Variants in DEAF1 observed in about 807,000 individuals in gnomAD.
The protein encoded by DEAF1 is DEAF1 transcription factor.
DEAF1 carries 53 observed loss-of-function variants against 58.9 expected under a neutral mutation model. That is an observed-to-expected ratio of 0.90 (90% CI 0.72 to 1.13). The LOEUF is 1.13. Among genes scored for constraint, DEAF1 ranks in the 50% most tolerant of loss-of-function variants. The probability of loss-of-function intolerance (pLI) is 0.00; values close to 1 mark genes in which losing one functional copy is unlikely to be tolerated. For synonymous variants in DEAF1, 385 were observed against 340.4 expected (o/e 1.13, Z -1.44); for missense variants, 685 against 791.4 (o/e 0.87, Z 1.61).
Position 694,828 on chromosome 11 carries a change from C to T in DEAF1, c.220G>A (p.Gly74Arg). The T allele has an allele frequency of 2.1e-6, 3 of 1,455,828 alleles. No individual in the cohort carries two copies. In the South Asian group the frequency reaches 4.1e-5, roughly 20 times the overall value. 90.2% of individuals were successfully genotyped at this position (1,455,828 alleles called of 1,614,324 possible). ...GCCTCGGCGCCCATGTCCATGTGCC[C>T]GGGCTCCGCCGCCATCACCGCCACT... ...TAVAVMAAEP[G>R]HMDMGAEALP... Residue 74 changes from glycine to arginine, a missense_variant, in exon 1 of 12, where the codon GGG becomes AGG. Around this residue, in one of 3 missense-constraint regions of DEAF1, gnomAD observed 210 missense variants for 177.3 expected, o/e 1.18. Coordinates refer to ENST00000382409, the MANE Select transcript of DEAF1 (RefSeq NM_021008.4).
intron 10 of DEAF1, among the ~76,000 whole-genome samples, chr11:668,084 C>T (rs186103946): frequency 9.6e-4 from 146 of 152,244 alleles, no homozygotes; most frequent in Middle Eastern, 6.8e-3. Flanking sequence ...TGCACTCCAG[C>T]CTGGAAAACA....
chr11:705,651 C>A (rs1861679751), intron 1 of DEAF1, among the ~76,000 whole-genome samples: 1 of 152,176 alleles, frequency 6.6e-6, no homozygotes, highest in Admixed American at 6.5e-5. Context: ...CTGACACCCA[C>A]CCACTCACCG....
rs1355711300 is a variant in DEAF1 at position 653,945 on chromosome 11, G to C, written c.1593+17C>G. On this transcript the variant is annotated intron_variant, in intron 11 of 11. Transcript: ENST00000382409. ...GGAGGAGGCGGGGGCACTGAGCCTG[G>C]TGTAGGTGAGACCTACCTTGCGTTG... The C allele has an allele frequency of 8.7e-6, 14 of 1,610,596 alleles. No individual in the cohort carries two copies. The highest frequency in any genetic ancestry group is 1.2e-5 in the Non-Finnish European group (14 of 1,177,092).
rs1284386118 is a variant in DEAF1 at position 650,115 on chromosome 11, C to T, written c.1593+3847G>A. ...CAGAGACTAGTGTGGTGGTTCACAC[C>T]TGTAATCCCACCACTTTGGGAGGCT... On this transcript the variant is annotated intron_variant, in intron 11 of 11. Coordinates refer to ENST00000382409, the MANE Select transcript of DEAF1 (RefSeq NM_021008.4). 5.3e-5 allele frequency among the ~76,000 whole-genome samples: 8 copies of T among 151,980 alleles called. No individual in the cohort carries two copies. The East Asian group carries it at 1.6e-3, about 29-fold the overall frequency.
At chr11:691,435 C>G (rs146959211) in intron 2 of DEAF1, 66 bp downstream of exon 2, 2 of 1,483,016 alleles carry the variant, frequency 1.3e-6, no homozygotes, top group African/African-American at 2.8e-5. Context: ...GGGAGAGCCT[C>G]GGGGAAGCCG....
upstream of DEAF1, chr11:695,816 G>T: frequency 3.2e-6 from 4 of 1,232,290 alleles, no homozygotes; most frequent in Non-Finnish European, 4.1e-6. Flanking sequence ...ACCGGCGGGC[G>T]GGGCGGGTAA....
Position 703,243 on chromosome 11 carries a change from C to T in DEAF1, c.-438+3329G>A. The T allele has an allele frequency of 2.0e-6, 3 of 1,464,342 alleles. No individual in the cohort carries two copies. In the South Asian group the frequency reaches 4.3e-5, roughly 21 times the overall value. The allele number at this position is 1,464,342 out of a possible 1,614,324, so 90.7% of individuals were successfully genotyped here. On this transcript the variant is annotated intron_variant, in intron 1 of 11. Transcript: ENST00000683307. ...CCTCCCCATTCCTGGACAGGAAGGG[C>T]ACTTTTCCTAGTGACTGGCCATAGA...
chr11:678,797 T>C lies in DEAF1; in HGVS notation c.1152A>G (p.Pro384=). 1.2e-6 allele frequency: 2 copies of C among 1,614,080 alleles called. No individual in the cohort carries two copies. The highest frequency in any genetic ancestry group is 1.7e-6 in the Non-Finnish European group (2 of 1,179,984). The change falls in exon 9 of 12, where the codon CCA becomes CCG. Residue 384 remains proline (P), a synonymous_variant. Coordinates refer to ENST00000382409, the MANE Select transcript of DEAF1 (RefSeq NM_021008.4). ...GAGGCTCAGGGTGGCTGGCCCTGCA[T>C]GGGGGCTGCACGCTGGCCTCTTGGA... is the stretch of plus-strand genomic sequence containing the variant. ...ATVQEASVQP[P]CRASHPEPHY...
At chr11:682,063 A>G (rs1860400005) in intron 6 of DEAF1, among the ~76,000 whole-genome samples, 1 of 152,206 alleles carries the variant, frequency 6.6e-6, no homozygotes. Context: ...ACGGAGCTGG[A>G]CTATCTTACT....
At chr11:695,862 G>C (rs1442508482), upstream of DEAF1, 1 of 1,228,364 alleles carries the variant, frequency 8.1e-7, no homozygotes, top group East Asian at 3.2e-5. Flanking sequence ...CTCGGGCGGG[G>C]TGGGGGCTTC....
rs1399914819 is a variant in DEAF1, at chr11:654,067, A to G, written c.1504-16T>C. 1 of 1,611,502 alleles carries G rather than the reference A, an allele frequency of 6.2e-7. No individual in the cohort carries two copies. Among genetic ancestry groups the G allele is most frequent in the East Asian group, 2.2e-5 (1 of 44,854 alleles). ...CGCAGGACTGCTGCAAGAAGGACACAACAGGCCAGTCAGTGACGTGGCCGT... is the reference window on the plus strand; with the variant it reads ...CGCAGGACTGCTGCAAGAAGGACACGACAGGCCAGTCAGTGACGTGGCCGT... On this transcript the variant is annotated splice_polypyrimidine_tract_variant and intron_variant, in intron 10 of 11. Transcript: ENST00000382409.
At chr11:691,793 G>C (rs1860846530) in intron 1 of DEAF1, among the ~76,000 whole-genome samples, 195 bp from the exon 2 acceptor site, 1 of 152,020 alleles carries the variant, frequency 6.6e-6, no homozygotes, top group African/African-American at 2.4e-5. Context: ...GCTCTTCCAG[G>C]AAAAAGAGAG....
chr11:702,932 C>T (rs1362058464), intron 1 of DEAF1: 2 of 1,597,956 alleles, frequency 1.3e-6, no homozygotes, highest in Non-Finnish European at 1.7e-6. Context: ...CTCCCCTTTG[C>T]TCTGTTCTCC....
At chr11:674,008 C>G in intron 10 of DEAF1, 1 of 202,942 alleles carries the variant, frequency 4.9e-6, no homozygotes, top group South Asian at 8.6e-5. Context: ...TAATAGGAAG[C>G]TACAGAAAAC....
chr11:697,088 G>A (rs560896211), upstream of DEAF1, among the ~76,000 whole-genome samples: 31 of 125,630 alleles, frequency 2.5e-4, no homozygotes, highest in Non-Finnish European at 4.7e-4. Flanking sequence ...CAACAAGAGC[G>A]AAATTCTGTC....
chr11:673,812 A>G (rs1859935967), intron 10 of DEAF1, among the ~76,000 whole-genome samples: 3 of 152,126 alleles, frequency 2.0e-5, no homozygotes, highest in Admixed American at 2.0e-4. Context: ...GAAGTAGCTG[A>G]GAAACCTCCA....
chr11:665,321 G>C (rs112216611), intron 10 of DEAF1, among the ~76,000 whole-genome samples: 1,920 of 152,244 alleles, frequency 0.013, 15 homozygotes, highest in South Asian at 0.017. Flanking sequence ...GAGGAGGACA[G>C]GGTGTCACAC....
At chr11:678,291 A>G (rs1786520909) in intron 9 of DEAF1, 7 of 277,112 alleles carry the variant, frequency 2.5e-5, no homozygotes, top group Admixed American at 4.9e-5. Context: ...TTTAGGCCAC[A>G]TTTAGGCCTT....
intron 2 of DEAF1, among the ~76,000 whole-genome samples, chr11:689,973 C>G (rs966060166): frequency 1.3e-5 from 2 of 151,942 alleles, no homozygotes; most frequent in Non-Finnish European, 2.9e-5. Flanking sequence ...TGACTGAAAA[C>G]ACAGATCGCC....
Sources: gnomAD v4.1 joint callset for allele counts (sites outside exome capture counted in the v4.1 genomes callset) on GRCh38, gnomAD v4.1.1 for gene constraint, gnomAD v4.1.1 regional missense constraint, MANE v1.5 for transcripts, NCBI Gene and HGNC (gene_info 2026-07-23, HGNC 2026-07-21) for gene names.